Variants in RBFOX1 observed in about 807,000 individuals in gnomAD.
The protein encoded by RBFOX1 is RNA binding fox-1 homolog 1.
In RBFOX1, 8 loss-of-function variants were observed where a neutral mutation model predicts 57.7. The observed-to-expected ratio is 0.14, with a 90% confidence interval of 0.08 to 0.25. The LOEUF is 0.25. Ranked by LOEUF, RBFOX1 falls within the 10% of genes least tolerant of loss-of-function variation. The pLI is 1.00. For missense variants in RBFOX1, 611 were observed against 548.5 expected, an observed-to-expected ratio of 1.11 and a Z score of -1.14; for synonymous variants, 326 against 222.4, an observed-to-expected ratio of 1.47 and a Z score of -4.15.
At chr16:6,981,585 G>T (rs895154922) in intron 3 of RBFOX1, among the ~76,000 whole-genome samples, 1 of 152,226 alleles carries the variant, frequency 6.6e-6, no homozygotes, top group South Asian at 2.1e-4. Flanking sequence ...CCACGTGGCT[G>T]GGGAGGCCTC....
At chr16:5,322,019 A>G (rs1394846235) in intron 1 of RBFOX1, among the ~76,000 whole-genome samples, 1 of 152,128 alleles carries the variant, frequency 6.6e-6, no homozygotes, top group East Asian at 1.9e-4. Context: ...GAGTGTCTCC[A>G]TCCTACAGAT....
At chr16:6,404,908 C>G (rs1158335744) in intron 2 of RBFOX1, among the ~76,000 whole-genome samples, 1 of 152,186 alleles carries the variant, frequency 6.6e-6, no homozygotes, top group East Asian at 1.9e-4. Context: ...CCTGGCTATC[C>G]TAGCTTGAAT....
chr16:6,763,392 T>G (rs545552545), intron 3 of RBFOX1, among the ~76,000 whole-genome samples: 39 of 152,338 alleles, frequency 2.6e-4, no homozygotes, highest in Middle Eastern at 3.4e-3. Context: ...TCCATCAGTA[T>G]TGTTTGGCAC....
rs573039249 is a variant in RBFOX1, at chr16:5,664,019, C to A, written c.318+65058C>A. 3.9e-5 allele frequency among the ~76,000 whole-genome samples: 6 copies of A among 152,300 alleles called. No individual in the cohort carries two copies. In the South Asian group the frequency reaches 8.3e-4, roughly 21 times the overall value. On this transcript the variant is annotated intron_variant, in intron 3 of 19. Transcript: ENST00000641259. Reference sequence around the variant, plus strand: ...AACATCAGAGCTGCTCCTGGGGACCCCACACATGGAGGAGACAGACAGAGA... The same window carrying A: ...AACATCAGAGCTGCTCCTGGGGACCACACACATGGAGGAGACAGACAGAGA...
At chr16:6,697,275 C>T (rs1208568501) in intron 3 of RBFOX1, among the ~76,000 whole-genome samples, 2 of 152,078 alleles carry the variant, frequency 1.3e-5, no homozygotes, top group African/African-American at 4.8e-5. Flanking sequence ...ATCTTAAGTC[C>T]TTTTCCACCC....
At chr16:6,353,898 C>A (rs1396669441) in intron 2 of RBFOX1, among the ~76,000 whole-genome samples, 2 of 152,098 alleles carry the variant, frequency 1.3e-5, no homozygotes, top group East Asian at 1.9e-4. Context: ...TTGTTCATGT[C>A]TTCTTTTCTT....
At chr16:5,525,491 A>ATTTTT (rs71404528) in intron 2 of RBFOX1, among the ~76,000 whole-genome samples, 1,857 of 78,234 alleles carry the variant, frequency 0.024, 142 homozygotes, top group African/African-American at 0.037. Context: ...AGCCGACACT[A>ATTTTT]TTTTTTTTTT....
intron 3 of RBFOX1, among the ~76,000 whole-genome samples, chr16:6,981,653 A>G (rs1414049915): frequency 6.6e-6 from 1 of 152,202 alleles, no homozygotes; most frequent in Non-Finnish European, 1.5e-5. Flanking sequence ...GTGGCAAGCC[A>G]GAGAATTTGT....
At chr16:7,189,358 G>A (rs1281702481) in intron 4 of RBFOX1, among the ~76,000 whole-genome samples, 1 of 149,600 alleles carries the variant, frequency 6.7e-6, no homozygotes, top group Non-Finnish European at 1.5e-5. Flanking sequence ...CCCGGGAGGT[G>A]GAGCTTGCAG....
At chr16:7,521,658 T>C (rs568433046) in intron 5 of RBFOX1, among the ~76,000 whole-genome samples, 161 of 152,370 alleles carry the variant, frequency 1.1e-3, no homozygotes, top group Non-Finnish European at 1.6e-3. Context: ...CTGTTAATTA[T>C]GATAACGTGC....
chr16:7,597,285 A>AGT, intron 8 of RBFOX1, 86 bp from the exon 9 acceptor site: 11 of 933,516 alleles, frequency 1.2e-5, no homozygotes, highest in Non-Finnish European at 1.8e-5. Context: ...TTTTTTAATA[A>AGT]GTAATCACGG....
At chr16:7,347,403 C>G (rs192460028) in intron 4 of RBFOX1, among the ~76,000 whole-genome samples, 1 of 152,076 alleles carries the variant, frequency 6.6e-6, no homozygotes, top group South Asian at 2.1e-4. Context: ...TTAAAATCAT[C>G]AGGTTTCATG....
intron 4 of RBFOX1, among the ~76,000 whole-genome samples, chr16:7,460,370 A>AATATATATATAT (rs879898472): frequency 0.035 from 2,591 of 74,188 alleles, 73 homozygotes; most frequent in Non-Finnish European, 0.046. Context: ...CATTTAGCAA[A>AATATATATATAT]ATATATATAT....
chr16:5,722,057 C>A (rs536839459), intron 3 of RBFOX1, among the ~76,000 whole-genome samples: 10 of 152,258 alleles, frequency 6.6e-5, no homozygotes, highest in East Asian at 1.9e-4. Flanking sequence ...ATCATAAATC[C>A]GAAGTATTGA....
intron 3 of RBFOX1, among the ~76,000 whole-genome samples, chr16:5,788,913 T>A (rs1157319702): frequency 6.6e-6 from 1 of 152,204 alleles, no homozygotes; most frequent in Non-Finnish European, 1.5e-5. Flanking sequence ...TATGTAAGGC[T>A]TTCCTGTGTC....
At chr16:6,273,054 G>A (rs568920745) in intron 1 of RBFOX1, among the ~76,000 whole-genome samples, 6 of 152,184 alleles carry the variant, frequency 3.9e-5, no homozygotes, top group Admixed American at 2.6e-4. Context: ...GAGGTCAGGA[G>A]TTCAAGACCA....
At position 7,333,065 on chromosome 16, in the gene RBFOX1, C is replaced by G. The variant is rs760925781; in HGVS notation, c.28-185082C>G. On this transcript the variant is annotated intron_variant, in intron 4 of 15. Coordinates refer to ENST00000550418, the MANE Select transcript of RBFOX1 (RefSeq NM_018723.4). ...CGTGCCTATGATTGTACCGGCAGCT[C>G]CTTACCTTCCTGGACTGATTCAGGT... 3.0e-5 allele frequency: 49 copies of G among 1,613,766 alleles called. No homozygotes were observed. The highest frequency in any genetic ancestry group is 4.0e-5 in the Non-Finnish European group (47 of 1,179,886).
At chr16:7,377,633 C>G (rs1040315047) in intron 4 of RBFOX1, among the ~76,000 whole-genome samples, 6 of 152,174 alleles carry the variant, frequency 3.9e-5, no homozygotes, top group Admixed American at 3.3e-4. Context: ...GCTTGAATGT[C>G]TGAAAGATGA....
At chr16:5,945,447 A>G (rs2059382448) in intron 4 of RBFOX1, among the ~76,000 whole-genome samples, 1 of 152,234 alleles carries the variant, frequency 6.6e-6, no homozygotes, top group Non-Finnish European at 1.5e-5. Flanking sequence ...CCCCAGATCT[A>G]GAGATGATAA....
Sources: allele counts gnomAD v4.1 joint callset (sites outside exome capture counted in the v4.1 genomes callset), GRCh38; gene constraint gnomAD v4.1.1; transcripts MANE v1.5; gene names NCBI Gene and HGNC (gene_info 2026-07-23, HGNC 2026-07-21).